Variants in GNG2 observed in about 807,000 individuals in gnomAD.
GNG2 encodes guanine nucleotide-binding protein G(I)/G(S)/G(O) subunit gamma-2.
In GNG2, 5 loss-of-function variants were observed where a neutral mutation model predicts 5.5. The ratio of observed to expected loss-of-function variants is 0.91; its 90% confidence interval spans 0.48 to 1.92. The LOEUF (loss-of-function observed/expected upper bound fraction) is 1.92. GNG2 is among the 30% of genes most tolerant of loss of function. The pLI is 0.01. For synonymous variants in GNG2, 28 were observed against 32.0 expected, an observed-to-expected ratio of 0.88 and a Z score of 0.42; for missense variants, 55 against 88.4, an observed-to-expected ratio of 0.62 and a Z score of 1.52.
intron 1 of GNG2, among the ~76,000 whole-genome samples, chr14:51,864,049 A>G (rs1292913860): frequency 1.3e-5 from 2 of 152,194 alleles, no homozygotes; most frequent in Admixed American, 6.5e-5. Flanking sequence ...GATGGAACAC[A>G]GTAATTATAT....
chr14:51,902,761 A>C (rs913074212), intron 2 of GNG2, among the ~76,000 whole-genome samples: 1 of 152,136 alleles, frequency 6.6e-6, no homozygotes, highest in African/African-American at 2.4e-5. Flanking sequence ...GGCAGTGCAC[A>C]ACTGTAGTCT....
At chr14:51,847,948 T>C (rs1881714212) in intron 2 of GNG2, among the ~76,000 whole-genome samples, 1 of 138,538 alleles carries the variant, frequency 7.2e-6, no homozygotes, top group Non-Finnish European at 1.5e-5. Flanking sequence ...TTTTTAACAG[T>C]GGAAGATTAG....
At chr14:51,926,752 AGGGTCCCT>A (rs1594924580) in intron 2 of GNG2, among the ~76,000 whole-genome samples, 1 of 152,152 alleles carries the variant, frequency 6.6e-6, no homozygotes, top group East Asian at 1.9e-4. Flanking sequence ...GGCTTTGCTA[AGGGTCCCT>A]GTTTCCCTTT....
intron 2 of GNG2, among the ~76,000 whole-genome samples, chr14:51,906,777 A>T: frequency 3.6e-5 from 1 of 27,490 alleles, no homozygotes; most frequent in Admixed American, 4.2e-4. Context: ...TTTTTTTGAG[A>T]CGGAGTCTTG....
chr14:51,869,888 G>A (rs894534744), intron 1 of GNG2, among the ~76,000 whole-genome samples: 2 of 152,158 alleles, frequency 1.3e-5, no homozygotes, highest in African/African-American at 4.8e-5. Flanking sequence ...ATATGTATGA[G>A]TAAGTAGGCA....
intron 1 of GNG2, among the ~76,000 whole-genome samples, chr14:51,865,625 C>A (rs1227229493): frequency 6.6e-6 from 1 of 152,076 alleles, no homozygotes; most frequent in Non-Finnish European, 1.5e-5. Flanking sequence ...CTCCCAGTTA[C>A]AACTCCATTT....
chr14:51,837,324 CTG>C (rs1327591645), intron 2 of GNG2, among the ~76,000 whole-genome samples: 1 of 152,106 alleles, frequency 6.6e-6, no homozygotes, highest in Non-Finnish European at 1.5e-5. Flanking sequence ...GCAAAGCACT[CTG>C]TTAATTATTG....
At chr14:51,942,589 C>CTTTCTTTCTTTCTTTTTTTTTTT (rs761049973) in intron 2 of GNG2, among the ~76,000 whole-genome samples, 2 of 81,146 alleles carry the variant, frequency 2.5e-5, no homozygotes, top group African/African-American at 1.2e-4. Flanking sequence ...TTCTTTCTTT[C>CTTTCTTTCTTTCTTTTTTTTTTT]TTTTTTTTTT....
chr14:51,831,039 A>G (rs1279694198), intron 2 of GNG2, among the ~76,000 whole-genome samples: 1 of 152,190 alleles, frequency 6.6e-6, no homozygotes, highest in Non-Finnish European at 1.5e-5. Flanking sequence ...CAAATGCACC[A>G]GGCATGCTCC....
chr14:51,851,194 G>A (rs1881891477), intron 2 of GNG2, among the ~76,000 whole-genome samples: 1 of 152,158 alleles, frequency 6.6e-6, no homozygotes, highest in South Asian at 2.1e-4. Flanking sequence ...TACCAAGTGG[G>A]AGAAACCAGC....
At chr14:51,873,207 C>T (rs1045120730) in intron 1 of GNG2, among the ~76,000 whole-genome samples, 1 of 152,140 alleles carries the variant, frequency 6.6e-6, no homozygotes, top group African/African-American at 2.4e-5. Flanking sequence ...ATACTAGGCA[C>T]AAGATATTTG....
At chr14:51,845,156 A>C (rs1881587644) in intron 2 of GNG2, among the ~76,000 whole-genome samples, 1 of 152,206 alleles carries the variant, frequency 6.6e-6, no homozygotes, top group Non-Finnish European at 1.5e-5. Context: ...CTATGGGCTA[A>C]ATTAGTGTAT....
intron 2 of GNG2, chr14:51,841,559 G>A (rs758242349): frequency 1.1e-4 from 80 of 701,904 alleles, no homozygotes; most frequent in Middle Eastern, 6.9e-4. Flanking sequence ...GTTGGAGCCC[G>A]GATTTGAACC....
chr14:51,960,525 T>G (rs1889545648), intron 3 of GNG2, among the ~76,000 whole-genome samples: 2 of 148,186 alleles, frequency 1.3e-5, no homozygotes, highest in African/African-American at 5.3e-5. Context: ...CCTTTTTATA[T>G]CTTCTGTATG....
intron 2 of GNG2, among the ~76,000 whole-genome samples, chr14:51,895,715 A>G (rs890404300): frequency 6.6e-6 from 1 of 152,188 alleles, no homozygotes; most frequent in Non-Finnish European, 1.5e-5. Context: ...TGGTTTGGCT[A>G]TGTGTCCCCA....
intron 2 of GNG2, among the ~76,000 whole-genome samples, chr14:51,949,246 G>T (rs144658117): frequency 1.4e-3 from 215 of 151,950 alleles, no homozygotes; most frequent in African/African-American, 4.9e-3. Flanking sequence ...GAAGGGATTT[G>T]TATGTTACAG....
intron 2 of GNG2, among the ~76,000 whole-genome samples, chr14:51,909,152 G>A (rs995101584): frequency 3.9e-5 from 6 of 152,052 alleles, no homozygotes; most frequent in African/African-American, 9.7e-5. Flanking sequence ...TTCTGGCTAC[G>A]TAATATTCCA....
At chr14:51,944,225 A>G (rs8014732) in intron 2 of GNG2, among the ~76,000 whole-genome samples, 55,308 of 152,046 alleles carry the variant, frequency 0.36, 10,297 homozygotes, top group Middle Eastern at 0.44. Flanking sequence ...AAAAAAATGC[A>G]ATTGACAAGG....
At chr14:51,868,785 C>A (rs1309568315) in intron 1 of GNG2, among the ~76,000 whole-genome samples, 1 of 152,144 alleles carries the variant, frequency 6.6e-6, no homozygotes, top group Admixed American at 6.5e-5. Context: ...TTTGTAGACT[C>A]CAAATGCAGA....
Sources: gnomAD v4.1 joint callset for allele counts (sites outside exome capture counted in the v4.1 genomes callset) on GRCh38, gnomAD v4.1.1 for gene constraint, MANE v1.5 for transcripts, NCBI Gene and HGNC (gene_info 2026-07-23, HGNC 2026-07-21) for gene names.